IL1RAPL2: variants seen among roughly 807,000 people sequenced by gnomAD.
IL1RAPL2 encodes interleukin 1 receptor accessory protein like 2, also known as X-linked interleukin-1 receptor accessory protein-like 2.
IL1RAPL2 carries 3 observed loss-of-function variants against 44.1 expected under a neutral mutation model. That is an observed-to-expected ratio of 0.07 (90% confidence interval 0.03 to 0.18). The LOEUF is 0.18. IL1RAPL2 is among the 10% of genes least tolerant of loss of function. IL1RAPL2 has a pLI of 1.00. For missense variants in IL1RAPL2, 391 were observed against 496.4 expected (o/e 0.79, Z 2.02); for synonymous variants, 181 against 178.8 (o/e 1.01, Z -0.10).
chrX:105,230,532 T>G (rs1286247465), intron 3 of IL1RAPL2, among the ~76,000 whole-genome samples: 21 of 108,226 alleles, frequency 1.9e-4, no homozygotes, highest in African/African-American at 6.6e-4. Flanking sequence ...ATATATCTTT[T>G]AATATATTTA....
chrX:104,606,110 AG>A (rs1297796599), intron 1 of IL1RAPL2, among the ~76,000 whole-genome samples: 2 of 112,240 alleles, frequency 1.8e-5, no homozygotes, highest in Non-Finnish European at 3.8e-5. Flanking sequence ...CACATCAAAA[AG>A]CTTATCCAAC....
In IL1RAPL2 at chrX:105,182,241, C is replaced by T. The variant is rs782647340; in HGVS notation, c.83-13234C>T. 6.4e-5 allele frequency among the ~76,000 whole-genome samples: 7 copies of T among 109,647 alleles called. No homozygotes were observed. The East Asian group carries it at 2.0e-3, about 32-fold the overall frequency. ...ATGCTGAGATTGGGGTGTTGAAATC[C>T]CCCTCATTCTTATATAGGAGTCTAT... On this transcript the variant is annotated intron_variant, in intron 2 of 10. Coordinates refer to ENST00000372582, the MANE Select transcript of IL1RAPL2 (RefSeq NM_017416.2).
At position 105,265,350 on chromosome X, in the gene IL1RAPL2, T is replaced by G. The variant is rs1355658363; in HGVS notation, c.544-2038T>G. Reference sequence around the variant, plus strand: ...ATCAGAGTTGGAAACAATGCGAAAATAATTGTGGATTATTATTGTATGACG... The same window carrying G: ...ATCAGAGTTGGAAACAATGCGAAAAGAATTGTGGATTATTATTGTATGACG... On this transcript the variant is annotated intron_variant, in intron 4 of 10. Transcript: ENST00000372582. 7.1e-5 allele frequency among the ~76,000 whole-genome samples: 8 copies of G among 112,143 alleles called. No homozygotes were observed. The Admixed American group carries it at 7.6e-4, about 11-fold the overall frequency.
chrX:105,072,645 A>T (rs1227929253), intron 2 of IL1RAPL2, among the ~76,000 whole-genome samples: 3 of 110,308 alleles, frequency 2.7e-5, no homozygotes, highest in Middle Eastern at 4.7e-3. Context: ...TTTTTTTTTT[A>T]AATTATTACT....
chrX:105,453,200 C>G (rs1322472980), intron 5 of IL1RAPL2, among the ~76,000 whole-genome samples: 4 of 111,810 alleles, frequency 3.6e-5, no homozygotes, highest in African/African-American at 9.8e-5. Flanking sequence ...AGGTCTTATA[C>G]CTTCACATTG....
intron 6 of IL1RAPL2, among the ~76,000 whole-genome samples, chrX:105,508,009 G>T (rs1334048663): frequency 1.8e-5 from 2 of 110,850 alleles, no homozygotes; most frequent in African/African-American, 6.6e-5. Context: ...ATCCTATTAG[G>T]CCCCAGCCAC....
intron 2 of IL1RAPL2, among the ~76,000 whole-genome samples, chrX:104,851,595 A>G (rs1922226039): frequency 8.9e-6 from 1 of 111,955 alleles, no homozygotes; most frequent in Admixed American, 9.4e-5. Context: ...AGAGAGTACA[A>G]AGGACTCAGT....
At chrX:105,218,804 CTG>C (rs1236584079) in intron 3 of IL1RAPL2, 10 of 476,993 alleles carry the variant, frequency 2.1e-5, no homozygotes, top group Admixed American at 3.8e-5. Flanking sequence ...ACCCCTATCT[CTG>C]AAGTTATTCG....
intron 3 of IL1RAPL2, among the ~76,000 whole-genome samples, chrX:105,228,232 T>C (rs1030761835): frequency 1.1e-4 from 12 of 112,297 alleles, no homozygotes; most frequent in Non-Finnish European, 1.7e-4. Flanking sequence ...GGAAAGTATT[T>C]TGAAGTGAGG....
chrX:105,540,484 G>A (rs926558542), intron 6 of IL1RAPL2, among the ~76,000 whole-genome samples: 1 of 109,807 alleles, frequency 9.1e-6, no homozygotes, highest in Non-Finnish European at 1.9e-5. Context: ...TTGGGTACTC[G>A]TGGACATAAA....
intron 2 of IL1RAPL2, among the ~76,000 whole-genome samples, chrX:104,826,175 C>T (rs1416805373): frequency 9.0e-6 from 1 of 111,315 alleles, no homozygotes; most frequent in African/African-American, 3.3e-5. Context: ...AATTTGTTTG[C>T]TCTTGCTTCT....
intron 2 of IL1RAPL2, among the ~76,000 whole-genome samples, chrX:104,951,328 C>T: frequency 8.9e-6 from 1 of 112,000 alleles, no homozygotes; most frequent in Non-Finnish European, 1.9e-5. Flanking sequence ...TGATAAAGCC[C>T]CATTACCAAA....
At chrX:104,827,766 C>G (rs61679161) in intron 2 of IL1RAPL2, among the ~76,000 whole-genome samples, 1,275 of 111,961 alleles carry the variant, frequency 0.011, 14 homozygotes, top group African/African-American at 0.039. Context: ...GTATACCAAT[C>G]AAACGTAGGT....
chrX:104,888,424 T>C (rs916029835), intron 2 of IL1RAPL2, among the ~76,000 whole-genome samples: 5 of 111,157 alleles, frequency 4.5e-5, no homozygotes, highest in Non-Finnish European at 9.4e-5. Flanking sequence ...AAAGACCTTC[T>C]TTCTATCTTC....
intron 1 of IL1RAPL2, among the ~76,000 whole-genome samples, chrX:104,572,739 AC>A (rs201954941): frequency 0.019 from 2,104 of 111,179 alleles, 52 homozygotes; most frequent in African/African-American, 0.065. Flanking sequence ...AGCTGGGACT[AC>A]AGGTGCATGC....
chrX:105,753,420 T>C (rs1196584854), intron 9 of IL1RAPL2, among the ~76,000 whole-genome samples: 1 of 111,507 alleles, frequency 9.0e-6, no homozygotes, highest in Non-Finnish European at 1.9e-5. Context: ...TGAAATATAT[T>C]CTGCTCATGT....
intron 2 of IL1RAPL2, among the ~76,000 whole-genome samples, chrX:105,177,991 A>T (rs1289908734): frequency 8.9e-6 from 1 of 111,800 alleles, no homozygotes; most frequent in Non-Finnish European, 1.9e-5. Flanking sequence ...ACACATTTTA[A>T]GTCCACACTT....
chrX:105,588,295 G>T (rs2037143972), intron 6 of IL1RAPL2, among the ~76,000 whole-genome samples: 1 of 111,441 alleles, frequency 9.0e-6, no homozygotes, highest in Non-Finnish European at 1.9e-5. Context: ...GCAATTGCAT[G>T]TGAATCTATA....
At position 105,249,002 on chromosome X, in the gene IL1RAPL2, C is replaced by G. The variant is rs748427031; in HGVS notation, c.543+14998C>G. Among the ~76,000 whole-genome samples, 3 of 111,096 alleles carry G rather than the reference C, an allele frequency of 2.7e-5. No homozygotes were observed. The South Asian group carries it at 1.1e-3, about 41-fold the overall frequency. ...GCAATCCCACAGCTGGGTATATACC[C>G]AAAAGAAAGTAAATCAGTATATCAA... is the stretch of plus-strand genomic sequence containing the variant. On this transcript the variant is annotated intron_variant, in intron 4 of 10. Coordinates refer to ENST00000372582, the MANE Select transcript of IL1RAPL2 (RefSeq NM_017416.2).
Sources: allele counts gnomAD v4.1 joint callset (sites outside exome capture counted in the v4.1 genomes callset), GRCh38; gene constraint gnomAD v4.1.1; transcripts MANE v1.5; gene names NCBI Gene and HGNC (gene_info 2026-07-23, HGNC 2026-07-21).